NOS2: variants seen among roughly 807,000 people sequenced by gnomAD.
The protein encoded by NOS2 is nitric oxide synthase, inducible.
NOS2 carries 96 observed loss-of-function variants against 136.0 expected under a neutral mutation model. The ratio of observed to expected loss-of-function variants is 0.71; its 90% CI spans 0.60 to 0.84. The LOEUF is 0.84. NOS2 is among the 40% of genes least tolerant of loss of function. NOS2 has a pLI of 0.00. For synonymous variants in NOS2, 539 were observed against 587.5 expected (o/e 0.92, Z 1.20); for missense variants, 1,237 against 1,496.9 (o/e 0.83, Z 2.87).
chr17:27,789,857 C>T (rs1261895160), intron 2 of NOS2, among the ~76,000 whole-genome samples, 169 bp from the exon 3 acceptor site: 4 of 152,200 alleles, frequency 2.6e-5, no homozygotes, highest in African/African-American at 9.7e-5. Flanking sequence ...CCCATCTTCC[C>T]TCTTCCTCTT....
Position 27,792,799 on chromosome 17 carries a change from T to C in NOS2, c.111-3111A>G, listed in dbSNP as rs1015673162. 7.2e-5 allele frequency among the ~76,000 whole-genome samples: 7 copies of C among 97,384 alleles called. No individual in the cohort carries two copies. The Admixed American group carries it at 1.1e-3, about 16-fold the overall frequency. 63.9% of individuals were successfully genotyped at this position (97,384 alleles called of 152,430 possible). A position where few individuals can be genotyped will look rare whatever the true frequency, so the allele number is the denominator to read the frequency against. ...TTCAAGACCAGCCTGGGCAACATGG[T>C]GAAACCCTATCTCTACAAAAAAAAA... On this transcript the variant is annotated intron_variant, in intron 2 of 26. Transcript: ENST00000313735.
intron 5 of NOS2, among the ~76,000 whole-genome samples, chr17:27,787,250 G>T (rs1262375051): frequency 6.6e-6 from 1 of 152,138 alleles, no homozygotes; most frequent in East Asian, 1.9e-4. Context: ...TAATTAAAGG[G>T]TCCATATTAA....
intron 11 of NOS2, among the ~76,000 whole-genome samples, chr17:27,774,720 T>A (rs1597550707): frequency 6.6e-6 from 1 of 152,182 alleles, no homozygotes; most frequent in Non-Finnish European, 1.5e-5. Context: ...GAGGGCAATA[T>A]CCAGCCTCTC....
Position 27,782,113 on chromosome 17 carries a change from C to T in NOS2, c.631-7G>A. On this transcript the variant is annotated splice_region_variant and splice_polypyrimidine_tract_variant and intron_variant, in intron 6 of 26. Coordinates refer to ENST00000313735, the MANE Select transcript of NOS2 (RefSeq NM_000625.4). ...AGCTGCGGGCATCGAAGACCTGCAA[C>T]AGCCCATCCAGACCATGCCCATCAA... 1.2e-6 allele frequency: 2 copies of T among 1,613,368 alleles called. No homozygotes were observed. The highest frequency in any genetic ancestry group is 1.7e-6 in the Non-Finnish European group (2 of 1,179,638).
rs199658151 is a variant in NOS2 at position 27,760,664 on chromosome 17, C to T, written c.2969G>A (p.Arg990His). The T allele has an allele frequency of 1.3e-6, 2 of 1,552,860 alleles. No individual in the cohort carries two copies. Among genetic ancestry groups the T allele is most frequent in the Non-Finnish European group, 8.7e-7 (1 of 1,147,816 alleles). The change falls in exon 24 of 27, where the codon CGC becomes CAC. Residue 990 changes from arginine to histidine, a missense_variant. Physicochemically the swap from Arg to His is conservative, Grantham distance 29 (BLOSUM62 0). Transcript: ENST00000313735. Reference sequence around the variant, plus strand: ...ATGGAGCCGTTGCTGCCAGAAACTGCGGAAGGGCGCGATGCCTGTGCCAGG... The same window carrying T: ...ATGGAGCCGTTGCTGCCAGAAACTGTGGAAGGGCGCGATGCCTGTGCCAGG... The part of the protein sequence containing the change: ...IGPGTGIAPF[R>H]SFWQQRLHDS...
At chr17:27,769,461 C>G in intron 16 of NOS2, 74 bp downstream of exon 16, 2 of 1,284,694 alleles carry the variant, frequency 1.6e-6, no homozygotes, top group Non-Finnish European at 2.3e-6. Flanking sequence ...TGTGCACACC[C>G]AGTTCCATCC....
At chr17:27,767,294 G>A (rs1316098852) in intron 18 of NOS2, among the ~76,000 whole-genome samples, 1 of 152,234 alleles carries the variant, frequency 6.6e-6, no homozygotes, top group Non-Finnish European at 1.5e-5. Flanking sequence ...TACGACACTT[G>A]GCTGCCTTCG....
intron 20 of NOS2, among the ~76,000 whole-genome samples, chr17:27,765,109 G>A (rs1908254040): frequency 6.6e-6 from 1 of 152,166 alleles, no homozygotes; most frequent in Non-Finnish European, 1.5e-5. Context: ...CTCCCGAGTG[G>A]CTGGGATTGG....
At chr17:27,795,070 A>G (rs758757526) in intron 2 of NOS2, among the ~76,000 whole-genome samples, 1 of 151,226 alleles carries the variant, frequency 6.6e-6, no homozygotes, top group Non-Finnish European at 1.5e-5. Flanking sequence ...GTACACCCAC[A>G]ACTACGACCT....
intron 24 of NOS2, 26 bp from the exon 25 acceptor site, chr17:27,760,204 C>G (rs745999479): frequency 1.3e-6 from 2 of 1,517,954 alleles, no homozygotes; most frequent in Non-Finnish European, 1.8e-6. Context: ...GCTGTTGTTA[C>G]CATGTTGGCC....
In NOS2 at chr17:27,769,122, A is replaced by G. The variant is rs747176795; in HGVS notation, c.1889T>C (p.Met630Thr). Reference protein sequence around the residue: ...RYAVFGLGSSMYPRFCAFAHD... With the variant: ...RYAVFGLGSSTYPRFCAFAHD... ...AGCAAAGGCGCAGAACCGAGGGTAC[A>G]TGCTGGAGCCGAGGCCAAACACAGC... Residue 630 changes from methionine to threonine, a missense_variant, in exon 17 of 27, where the codon ATG becomes ACG. Met to Thr is a moderately conservative substitution (Grantham distance 81, BLOSUM62 -1). This residue lies in a region of NOS2 where 782 missense variants were observed against 909.9 expected (regional missense o/e 0.86). Coordinates refer to ENST00000313735, the MANE Select transcript of NOS2 (RefSeq NM_000625.4). 2 of 1,612,182 alleles carry G rather than the reference A, an allele frequency of 1.2e-6. No homozygotes were observed. The highest frequency in any genetic ancestry group is 2.7e-5 in the African/African-American group (2 of 74,902).
intron 5 of NOS2, among the ~76,000 whole-genome samples, chr17:27,785,939 CAG>C (rs1412687014): frequency 8.8e-6 from 1 of 113,480 alleles, no homozygotes; most frequent in Admixed American, 1.3e-4. Flanking sequence ...GCCTGGGAGA[CAG>C]AGCAAGACCG....
chr17:27,780,624 G>T, intron 9 of NOS2, 143 bp downstream of exon 9: 1 of 998,570 alleles, frequency 1.0e-6, no homozygotes, highest in Non-Finnish European at 1.5e-6. Context: ...TGACAAAAGA[G>T]TCCTTGAAGG....
intron 12 of NOS2, 22 bp downstream of exon 12, chr17:27,774,235 A>G (rs1169057217): frequency 3.5e-6 from 5 of 1,433,044 alleles, no homozygotes; most frequent in Admixed American, 2.7e-5. Flanking sequence ...CCCAGGAAGG[A>G]GAGAAGAGGA....
At chr17:27,765,898 C>T (rs1306281411) in intron 19 of NOS2, among the ~76,000 whole-genome samples, 182 bp from the exon 20 acceptor site, 1 of 152,162 alleles carries the variant, frequency 6.6e-6, no homozygotes, top group African/African-American at 2.4e-5. Flanking sequence ...CTTAAGAGGG[C>T]CCCAGGAGCT....
At chr17:27,771,398 G>A (rs750730447) in intron 14 of NOS2, among the ~76,000 whole-genome samples, 7 of 152,244 alleles carry the variant, frequency 4.6e-5, no homozygotes, top group South Asian at 2.1e-4. Context: ...GGGAATGGCC[G>A]GGGAAATGTG....
At chr17:27,782,309 G>A (rs1275772531) in intron 6 of NOS2, among the ~76,000 whole-genome samples, 10 of 152,022 alleles carry the variant, frequency 6.6e-5, no homozygotes, top group African/African-American at 1.2e-4. Context: ...CTGCACCACC[G>A]CTCCCATTTC....
chr17:27,800,145 T>C (rs971094112), intron 1 of NOS2, among the ~76,000 whole-genome samples, 194 bp downstream of exon 1: 2 of 152,224 alleles, frequency 1.3e-5, no homozygotes, highest in African/African-American at 4.8e-5. Context: ...CCACAGCTAA[T>C]ATTTGCAGAA....
In NOS2 at chr17:27,770,899, C is replaced by T; in HGVS notation, c.1809+14G>A. The T allele has an allele frequency of 6.2e-7, 1 of 1,607,806 alleles. No homozygotes were observed. Among genetic ancestry groups the T allele is most frequent in the South Asian group, 1.1e-5 (1 of 90,702 alleles). ...CTACCACCCCCTAGACCAGCCAGAC[C>T]TCAAGCCACCCACCTCTCCATTGCC... is the stretch of plus-strand genomic sequence containing the variant. On this transcript the variant is annotated intron_variant, in intron 15 of 26. Coordinates refer to ENST00000313735, the MANE Select transcript of NOS2 (RefSeq NM_000625.4).
Sources: allele counts gnomAD v4.1 joint callset (sites outside exome capture counted in the v4.1 genomes callset), GRCh38; gene constraint gnomAD v4.1.1; regional missense constraint gnomAD v4.1.1; transcripts MANE v1.5; gene names NCBI Gene and HGNC (gene_info 2026-07-23, HGNC 2026-07-21).